The following MYO9A variants were observed in gnomAD, a reference collection of about 807,000 sequenced individuals.
MYO9A encodes myosin IXA.
In MYO9A, 103 loss-of-function variants were observed where a neutral mutation model predicts 293.3. The ratio of observed to expected loss-of-function variants is 0.35; its 90% CI spans 0.30 to 0.41. MYO9A has a LOEUF of 0.41. MYO9A is among the 10% of genes least tolerant of loss of function. The probability of loss-of-function intolerance (pLI) is 1.00; values close to 1 mark genes in which losing one functional copy is unlikely to be tolerated. For missense variants in MYO9A, 2,685 were observed against 3,033.0 expected (o/e 0.89, Z 2.69); for synonymous variants, 1,001 against 1,035.7 (o/e 0.97, Z 0.64).
At chr15:72,043,114 C>G (rs2078275340) in intron 2 of MYO9A, among the ~76,000 whole-genome samples, 1 of 151,912 alleles carries the variant, frequency 6.6e-6, no homozygotes. Flanking sequence ...ATATTTAAGT[C>G]TAGCCAGGTT....
At chr15:71,906,916 C>T (rs1415703411) in intron 19 of MYO9A, among the ~76,000 whole-genome samples, 1 of 150,172 alleles carries the variant, frequency 6.7e-6, no homozygotes. Flanking sequence ...GGCCCCACCA[C>T]CACACCCGGC....
intron 1 of MYO9A, among the ~76,000 whole-genome samples, chr15:72,106,990 T>A (rs1028787056): frequency 6.6e-6 from 1 of 152,186 alleles, no homozygotes. Context: ...TTTTTGAAAC[T>A]ATTTTATAAA....
chr15:71,842,367 ACT>A (rs565217268), intron 39 of MYO9A, among the ~76,000 whole-genome samples: 214 of 152,008 alleles, frequency 1.4e-3, no homozygotes, highest in African/African-American at 4.5e-3. Context: ...ACAGAGCGAG[ACT>A]CTGTCTCAAT....
chr15:71,850,765 CAAAAAAAAAAAAAAAAAAAAAAAAA>C (rs780727961), intron 37 of MYO9A, among the ~76,000 whole-genome samples: 1 of 44,124 alleles, frequency 2.3e-5, no homozygotes, highest in African/African-American at 1.0e-4. Context: ...AACTGTGTCT[CAAAAAAAAAAAAAAAAAAAAAAAAA>C]AAAAAAAAAA....
chr15:71,983,210 C>T, intron 11 of MYO9A, among the ~76,000 whole-genome samples: 1 of 151,604 alleles, frequency 6.6e-6, no homozygotes, highest in East Asian at 1.9e-4. Flanking sequence ...TTATTTCTTG[C>T]TTTCTTCTGG....
chr15:72,026,270 C>G (rs2077666150), intron 4 of MYO9A, among the ~76,000 whole-genome samples: 1 of 66,222 alleles, frequency 1.5e-5, no homozygotes, highest in African/African-American at 5.9e-5. Flanking sequence ...AAGACTCCGT[C>G]TCAAGAAAAA....
chr15:71,965,946 G>A (rs116898957), intron 13 of MYO9A, among the ~76,000 whole-genome samples: 4,078 of 151,554 alleles, frequency 0.027, 158 homozygotes, highest in East Asian at 0.18. Context: ...GCACTATCTC[G>A]GCTCAATGCA....
chr15:71,838,479 G>T (rs1041322951), intron 39 of MYO9A, among the ~76,000 whole-genome samples: 1 of 152,078 alleles, frequency 6.6e-6, no homozygotes, highest in African/African-American at 2.4e-5. Flanking sequence ...CTTAATGCAA[G>T]TACTGGAAAA....
At chr15:72,010,767 A>C (rs1330344305) in intron 6 of MYO9A, among the ~76,000 whole-genome samples, 1 of 152,154 alleles carries the variant, frequency 6.6e-6, no homozygotes, top group African/African-American at 2.4e-5. Flanking sequence ...TTTGATTTTG[A>C]GTGGTTCTAA....
At chr15:72,056,951 A>C (rs1596480637) in intron 1 of MYO9A, among the ~76,000 whole-genome samples, 1 of 152,318 alleles carries the variant, frequency 6.6e-6, no homozygotes, top group South Asian at 2.1e-4. Flanking sequence ...CTTTACTAAA[A>C]GTACAAAAAT....
At position 71,904,015 on chromosome 15, in the gene MYO9A, A is replaced by C; in HGVS notation, c.2791T>G (p.Leu931Val). ...GTGTATCGAAGCTGTCTAAGTACCA[A>C]GACATCACTGAACCTTAAGGGCAGC... ...EKLPLRFSDV[L>V]VLRQLRYTGM... The change falls in exon 21 of 42, where the codon TTG becomes GTG. Residue 931 changes from leucine (L) to valine (V), a missense_variant. Coordinates refer to ENST00000356056, the MANE Select transcript of MYO9A (RefSeq NM_006901.4). The C allele has an allele frequency of 6.2e-7, 1 of 1,613,978 alleles. No individual in the cohort carries two copies.
intron 3 of MYO9A, among the ~76,000 whole-genome samples, chr15:72,031,693 A>G (rs2077876626): frequency 6.6e-6 from 1 of 151,682 alleles, no homozygotes; most frequent in Admixed American, 6.6e-5. Context: ...TTTTCCACTT[A>G]TTTTTGCTGT....
intron 16 of MYO9A, among the ~76,000 whole-genome samples, chr15:71,936,288 A>G (rs774945642): frequency 3.3e-5 from 5 of 152,162 alleles, no homozygotes; most frequent in Admixed American, 6.5e-5. Context: ...AGTACTGAAT[A>G]GAGCAGTGAT....
chr15:71,991,242 A>G lies in MYO9A; in HGVS notation c.1588-5T>C. The G allele has an allele frequency of 6.4e-7, 1 of 1,568,758 alleles. No homozygotes were observed. Among genetic ancestry groups the G allele is most frequent in the East Asian group, 2.3e-5 (1 of 44,376 alleles). ...AAGAACACCAATAGACAATGTCTGTAAAACAAGAGAAAGTTTTGATTAAAA... is the reference window on the plus strand; with the variant it reads ...AAGAACACCAATAGACAATGTCTGTGAAACAAGAGAAAGTTTTGATTAAAA... On this transcript the variant is annotated splice_polypyrimidine_tract_variant and splice_region_variant and intron_variant, in intron 10 of 41. Transcript: ENST00000356056.
rs75655295 is a variant in MYO9A, at chr15:71,961,121, T to C, written c.1987-1025A>G. Among the ~76,000 whole-genome samples the C allele has an allele frequency of 9.2e-3, 1,396 of 152,066 alleles. 10 individuals carry two copies. Among genetic ancestry groups the C allele is most frequent in the Middle Eastern group, 0.041 (12 of 294 alleles). On this transcript the variant is annotated intron_variant, in intron 13 of 41. Coordinates refer to ENST00000356056, the MANE Select transcript of MYO9A (RefSeq NM_006901.4). ...GGAAATGAATTATTCAAAGAAAGAA[T>C]GGAAAAAAGGAGGCACAATATTAGA...
intron 32 of MYO9A, among the ~76,000 whole-genome samples, chr15:71,867,075 AACAC>A (rs35264363): frequency 0.11 from 16,585 of 148,018 alleles, 1,265 homozygotes; most frequent in Non-Finnish European, 0.16. Flanking sequence ...CAAAAAACAA[AACAC>A]ACACACACAC....
At chr15:71,993,478 G>A (rs1396388011) in intron 10 of MYO9A, among the ~76,000 whole-genome samples, 2 of 152,022 alleles carry the variant, frequency 1.3e-5, no homozygotes, top group African/African-American at 4.8e-5. Flanking sequence ...AAAACATGAG[G>A]TGATGCAGAA....
chr15:71,893,652 A>T (rs751101671), intron 26 of MYO9A, 27 bp downstream of exon 26: 1 of 1,537,434 alleles, frequency 6.5e-7, no homozygotes, highest in Non-Finnish European at 9.0e-7. Context: ...TGTATAGAAG[A>T]TAGATAAACA....
rs745788588 is a variant in MYO9A, at chr15:71,888,125, A to T, written c.5143-9T>A. 27 of 1,481,860 alleles carry T rather than the reference A, an allele frequency of 1.8e-5. No individual in the cohort carries two copies. The highest frequency in any genetic ancestry group is 2.4e-5 in the Non-Finnish European group (26 of 1,067,794). The allele number at this position is 1,481,860 out of a possible 1,614,324, so 91.8% of individuals were successfully genotyped here. A position where few individuals can be genotyped will look rare whatever the true frequency, so the allele number is the denominator to read the frequency against. On this transcript the variant is annotated splice_polypyrimidine_tract_variant and intron_variant, in intron 26 of 41. Coordinates refer to ENST00000356056, the MANE Select transcript of MYO9A (RefSeq NM_006901.4). ...GAAAATCGCTGTGATGTCTGTAATA[A>T]TTACATATGTGAAAGATTTAATGCC...
Sources: gnomAD v4.1 joint callset for allele counts (sites outside exome capture counted in the v4.1 genomes callset) on GRCh38, gnomAD v4.1.1 for gene constraint, MANE v1.5 for transcripts, NCBI Gene and HGNC (gene_info 2026-07-23, HGNC 2026-07-21) for gene names.